INAVA: variants seen among roughly 807,000 people sequenced by gnomAD.
The protein encoded by INAVA is innate immunity activator, also known as innate immunity activator protein.
A neutral mutation model predicts 55.3 loss-of-function variants in INAVA; 32 were observed. The ratio of observed to expected loss-of-function variants is 0.58; its 90% CI spans 0.44 to 0.78. The LOEUF (loss-of-function observed/expected upper bound fraction) is 0.78, where lower values mean the gene tolerates loss of function less well. Ranked by LOEUF, INAVA falls within the 30% of genes least tolerant of loss-of-function variation. The pLI is 0.00. For synonymous variants in INAVA, 294 were observed against 329.4 expected, an observed-to-expected ratio of 0.89 and a Z score of 1.16; for missense variants, 756 against 786.4, an observed-to-expected ratio of 0.96 and a Z score of 0.46.
At chr1:200,908,991 G>A (rs751043751) in intron 7 of INAVA, 51 bp downstream of exon 7, 2 of 1,560,102 alleles carry the variant, frequency 1.3e-6, no homozygotes, top group Non-Finnish European at 1.7e-6. Context: ...GGAGTCGGTG[G>A]GAGCTATGCT....
chr1:200,898,282 T>A, intron 1 of INAVA, 25 bp from the exon 2 acceptor site: 1 of 1,604,174 alleles, frequency 6.2e-7, no homozygotes, highest in Non-Finnish European at 8.5e-7. Context: ...AGCTTTTTTG[T>A]TATTGTTCTC....
intron 1 of INAVA, among the ~76,000 whole-genome samples, chr1:200,896,755 C>T (rs1473562815): frequency 6.6e-6 from 1 of 152,246 alleles, no homozygotes. Context: ...TGGCTGACAG[C>T]AGTCCCCTCT....
intron 5 of INAVA, 64 bp downstream of exon 5, chr1:200,901,223 A>C: frequency 7.1e-7 from 1 of 1,401,338 alleles, no homozygotes; most frequent in Non-Finnish European, 9.4e-7. Flanking sequence ...TGGTGGGCGC[A>C]CAGCCCCGTG....
chr1:200,894,644 C>T (rs3753959), upstream of INAVA, among the ~76,000 whole-genome samples: 63,653 of 151,904 alleles, frequency 0.42, 14,089 homozygotes, highest in Admixed American at 0.56. Flanking sequence ...CAGGAGGGCA[C>T]GCAGGTACCT....
In INAVA at chr1:200,894,993, G is replaced by A; in HGVS notation, c.-189G>A. 1.0e-6 allele frequency: 1 copy of A among 985,680 alleles called. No homozygotes were observed. Among genetic ancestry groups the A allele is most frequent in the Non-Finnish European group, 1.2e-6 (1 of 830,052 alleles). 61.1% of individuals were successfully genotyped at this position (985,680 alleles called of 1,614,324 possible). A position where few individuals can be genotyped will look rare whatever the true frequency, so the allele number is the denominator to read the frequency against. On this transcript the variant is annotated 5_prime_UTR_variant, in exon 1 of 10. Coordinates refer to ENST00000413687, the MANE Select transcript of INAVA (RefSeq NM_001142569.3). ...GCTGGAGAGAGAGCACAGGCCTGTGGCTTGGGAGACCCTGAGGCGACATGT... is the reference window on the plus strand; with the variant it reads ...GCTGGAGAGAGAGCACAGGCCTGTGACTTGGGAGACCCTGAGGCGACATGT...
chr1:200,911,495 C>A lies in INAVA; in HGVS notation c.1002C>A (p.Ser334Arg). Residue 334 changes from serine (S) to arginine (R), a missense_variant, in exon 9 of 10, where the codon AGC becomes AGA. By Grantham distance (110) the Ser-to-Arg change is moderately radical (BLOSUM62 -1). Coordinates refer to ENST00000413687, the MANE Select transcript of INAVA (RefSeq NM_001142569.3). The stretch of plus-strand genomic sequence containing the variant: ...CGGGTCCTGAGGGCCGAGGTCGCAG[C>A]GCCTTTCCCCGCCGCCGCCCCACTC... ...FRAGPEGRGR[S>R]AFPRRRPTHY... 1 of 1,613,462 alleles carries A rather than the reference C, an allele frequency of 6.2e-7. No homozygotes were observed. The highest frequency in any genetic ancestry group is 1.3e-5 in the African/African-American group (1 of 74,852).
chr1:200,908,551 TA>T, intron 6 of INAVA, 178 bp from the exon 7 acceptor site: 1 of 541,100 alleles, frequency 1.8e-6, no homozygotes, highest in Non-Finnish European at 3.2e-6. Flanking sequence ...TGGGAAGAAG[TA>T]AGTCCCAAAG....
chr1:200,911,809 T>C lies in INAVA; in HGVS notation c.1316T>C (p.Val439Ala). ...TATTTCCCGGCGGGGCGGTACGTGG[T>C]GGTGGCTGAGAGCCCCCTGCCGCCT... Reference protein sequence around the residue: ...PGYFPAGRYVVVAESPLPPGE... With the variant: ...PGYFPAGRYVAVAESPLPPGE... The change falls in exon 9 of 10, where the codon GTG becomes GCG. Residue 439 changes from valine (V) to alanine (A), a missense_variant. Physicochemically the swap from Val to Ala is moderately conservative, Grantham distance 64 (BLOSUM62 0). This residue lies in a region of INAVA where 639 missense variants were observed against 624.3 expected (regional missense o/e 1.02). Coordinates refer to ENST00000413687, the MANE Select transcript of INAVA (RefSeq NM_001142569.3). The C allele has an allele frequency of 6.2e-7, 1 of 1,607,418 alleles. No homozygotes were observed. Among genetic ancestry groups the C allele is most frequent in the Non-Finnish European group, 8.5e-7 (1 of 1,178,226 alleles).
intron 5 of INAVA, among the ~76,000 whole-genome samples, chr1:200,904,641 C>T (rs1213207410): frequency 6.6e-6 from 1 of 152,144 alleles, no homozygotes; most frequent in East Asian, 1.9e-4. Flanking sequence ...TCCTGCGATG[C>T]TGCTGCGGGG....
At chr1:200,892,639 C>T (rs898593529), upstream of INAVA, among the ~76,000 whole-genome samples, 2 of 152,180 alleles carry the variant, frequency 1.3e-5, no homozygotes, top group African/African-American at 2.4e-5. Context: ...GGGGCTGGGG[C>T]ATCAGTCCCC....
rs1668309803 is a variant in INAVA, at chr1:200,894,941, A to T, written c.-241A>T. The stretch of plus-strand genomic sequence containing the variant: ...CGGCAAGGTAGGCAGGTGAGCCGAG[A>T]CGGACGGACGGCCAGCAGCTCCGTC... On this transcript the variant is annotated 5_prime_UTR_variant, in exon 1 of 10. Coordinates refer to ENST00000413687, the MANE Select transcript of INAVA (RefSeq NM_001142569.3). 1.0e-6 allele frequency: 1 copy of T among 985,688 alleles called. No homozygotes were observed. The highest frequency in any genetic ancestry group is 1.2e-6 in the Non-Finnish European group (1 of 830,152). The allele number at this position is 985,688 out of a possible 1,614,324, so 61.1% of individuals were successfully genotyped here.
chr1:200,899,557 C>T lies in INAVA; in HGVS notation c.140C>T (p.Ala47Val), dbSNP rs780740933. 1.2e-6 allele frequency: 2 copies of T among 1,613,248 alleles called. No homozygotes were observed. The highest frequency in any genetic ancestry group is 1.7e-6 in the Non-Finnish European group (2 of 1,179,828). Residue 47 changes from alanine (A) to valine (V), a missense_variant, in exon 3 of 10, where the codon GCC becomes GTC. By Grantham distance (64) the Ala-to-Val change is moderately conservative. This residue lies in a region of INAVA where 639 missense variants were observed against 624.3 expected (regional missense o/e 1.02). Coordinates refer to ENST00000413687, the MANE Select transcript of INAVA (RefSeq NM_001142569.3). The part of the protein sequence containing the change: ...QQRALEARLE[A>V]CLEELRRLCL... ...AGGGCCCTGGAAGCGAGGCTGGAGG[C>T]CTGCCTGGAGGAGCTGAGGAGACTC... is the stretch of plus-strand genomic sequence containing the variant.
intron 4 of INAVA, 73 bp downstream of exon 4, chr1:200,900,293 C>A: frequency 7.4e-7 from 1 of 1,352,952 alleles, no homozygotes; most frequent in Admixed American, 1.8e-5. Flanking sequence ...CACCTCAGCT[C>A]AGTACCCTGG....
Position 200,901,107 on chromosome 1 carries a change from G to C in INAVA, c.468G>C (p.Glu156Asp). The C allele has an allele frequency of 1.3e-6, 2 of 1,534,814 alleles. No individual in the cohort carries two copies. The highest frequency in any genetic ancestry group is 1.4e-5 in the African/African-American group (1 of 73,070). The change falls in exon 5 of 10, where the codon GAG (glutamate) becomes GAC (aspartate). Residue 156 changes from glutamate to aspartate, a missense_variant. Glu to Asp is a conservative substitution (Grantham distance 45). Around this residue, in one of 2 missense-constraint regions of INAVA, gnomAD observed 639 missense variants for 624.3 expected, o/e 1.02. Transcript: ENST00000413687. ...AGGAGCTCCAGCGCTGCCTGGTCGA[G>C]CGGCGGCGCAATAGCGAGCCACCTC... ...KLQELQRCLV[E>D]RRRNSEPPPA...
At chr1:200,901,774 G>A (rs1214890496) in intron 5 of INAVA, among the ~76,000 whole-genome samples, 1 of 152,134 alleles carries the variant, frequency 6.6e-6, no homozygotes, top group Non-Finnish European at 1.5e-5. Flanking sequence ...TTCCATGTCT[G>A]TTCTCTGCCC....
At position 200,901,010 on chromosome 1, in the gene INAVA, TGGA is replaced by T. The variant is rs1044974317; in HGVS notation, c.376_378del (p.Glu126del). On this transcript the variant is annotated inframe_deletion, in exon 5 of 10. Coordinates refer to ENST00000413687, the MANE Select transcript of INAVA (RefSeq NM_001142569.3). ...ACAGAGGCAGCCCGTCGGCTGTGCC[TGGA>T]GGAGAACCTCAGCAGGCAGGCTCGG... 1.9e-6 allele frequency: 3 copies of T among 1,551,488 alleles called. No homozygotes were observed. Among genetic ancestry groups the T allele is most frequent in the Non-Finnish European group, 2.6e-6 (3 of 1,147,350 alleles).
At chr1:200,895,469 C>A (rs1668326700) in intron 1 of INAVA, among the ~76,000 whole-genome samples, 1 of 152,022 alleles carries the variant, frequency 6.6e-6, no homozygotes. Flanking sequence ...CATTGTTCAG[C>A]CGGGTGGGCT....
intron 4 of INAVA, 119 bp from the exon 5 acceptor site, chr1:200,900,818 C>G (rs1469944602): frequency 4.2e-6 from 3 of 708,882 alleles, no homozygotes; most frequent in African/African-American, 3.6e-5. Flanking sequence ...CTGTCTGCCT[C>G]TCTTCTGTCC....
intron 5 of INAVA, among the ~76,000 whole-genome samples, chr1:200,904,367 C>T (rs1030220701): frequency 6.6e-6 from 1 of 152,176 alleles, no homozygotes; most frequent in African/African-American, 2.4e-5. Flanking sequence ...GGATTACAGG[C>T]GTGAGCCACT....
Sources: allele counts gnomAD v4.1 joint callset (sites outside exome capture counted in the v4.1 genomes callset), GRCh38; gene constraint gnomAD v4.1.1; regional missense constraint gnomAD v4.1.1; transcripts MANE v1.5; gene names NCBI Gene and HGNC (gene_info 2026-07-23, HGNC 2026-07-21).